Variants in BACH2 observed in about 807,000 individuals in gnomAD.
BACH2 encodes BACH transcriptional regulator 2.
Under a neutral mutation model 61.8 loss-of-function variants are expected in BACH2, and 5 were observed. That is an observed-to-expected ratio of 0.08 (90% CI 0.04 to 0.17). The LOEUF (loss-of-function observed/expected upper bound fraction) is 0.17. Among genes scored for constraint, BACH2 ranks in the 10% least tolerant of loss-of-function variants. BACH2 has a pLI of 1.00. For synonymous variants in BACH2, 446 were observed against 440.1 expected (o/e 1.01, Z -0.17); for missense variants, 824 against 1,091.1 (o/e 0.76, Z 3.45).
At position 89,938,501 on chromosome 6, in the gene BACH2, A is replaced by G. The variant is rs1022824854; in HGVS notation, c.1837-151T>C. 9.2e-6 allele frequency: 6 copies of G among 649,776 alleles called. No individual in the cohort carries two copies. In the Admixed American group the frequency reaches 1.7e-4, roughly 19 times the overall value. 40.3% of individuals were successfully genotyped at this position (649,776 alleles called of 1,614,324 possible). ...CAGTGATTACTTATTTCCTGTTTAA[A>G]GACAGATAAGATGTAATAATACCTG... On this transcript the variant is annotated intron_variant, in intron 7 of 8. Transcript: ENST00000257749.
intron 6 of BACH2, among the ~76,000 whole-genome samples, chr6:89,967,280 A>G (rs1775096869): frequency 6.6e-6 from 1 of 152,232 alleles, no homozygotes. Context: ...CTAGAAATAA[A>G]GATATCCAAA....
At chr6:90,133,783 C>T (rs1272169184) in intron 4 of BACH2, among the ~76,000 whole-genome samples, 3 of 152,072 alleles carry the variant, frequency 2.0e-5, no homozygotes, top group Non-Finnish European at 2.9e-5. Context: ...TGAGTGAGAA[C>T]ATGCGGTGTT....
rs545359900 is a variant in BACH2, at chr6:90,107,863, G to C, written c.-161-18754C>G. Among the ~76,000 whole-genome samples, 3 of 152,114 alleles carry C rather than the reference G, an allele frequency of 2.0e-5. No homozygotes were observed. In the East Asian group the frequency reaches 5.8e-4, roughly 29 times the overall value. ...TTCTTTTTATCATGGAACTGTACAA[G>C]GCTTACAAAGCAGTGGGCAGTCAGG... is the stretch of plus-strand genomic sequence containing the variant. On this transcript the variant is annotated intron_variant, in intron 4 of 8. Transcript: ENST00000257749.
intron 1 of BACH2, among the ~76,000 whole-genome samples, chr6:90,282,654 G>A (rs976554973): frequency 6.6e-6 from 1 of 151,808 alleles, no homozygotes; most frequent in Non-Finnish European, 1.5e-5. Flanking sequence ...ATTCCTTTGG[G>A]TATATGCACA....
At chr6:90,148,949 C>G (rs1435397595) in intron 4 of BACH2, among the ~76,000 whole-genome samples, 1 of 152,150 alleles carries the variant, frequency 6.6e-6, no homozygotes, top group African/African-American at 2.4e-5. Flanking sequence ...TGAGCTGCTT[C>G]TCTCATTTGA....
intron 2 of BACH2, among the ~76,000 whole-genome samples, chr6:90,271,062 T>C (rs907948596): frequency 5.3e-5 from 8 of 152,130 alleles, no homozygotes; most frequent in African/African-American, 1.9e-4. Context: ...TCTCACTTTA[T>C]ACAAAAATCA....
In BACH2 at chr6:90,057,189, T is replaced by C. The variant is rs146546268; in HGVS notation, c.-13+31772A>G. On this transcript the variant is annotated intron_variant, in intron 5 of 8. Transcript: ENST00000257749. ...AAAAATGAATGAATCCAGGAGCTGG[T>C]TTTTTGAAAAGATCAACAACATTGA... Among the ~76,000 whole-genome samples the C allele has an allele frequency of 5.1e-3, 780 of 151,856 alleles. 3 individuals are homozygous for C. The highest frequency in any genetic ancestry group is 0.031 in the Middle Eastern group (9 of 294).
In BACH2 at chr6:89,932,524, A is replaced by G; in HGVS notation, c.2410T>C (p.Phe804Leu). Residue 804 changes from phenylalanine to leucine, a missense_variant, in exon 9 of 9, where the codon TTC (phenylalanine) becomes CTC (leucine). By Grantham distance (22) the Phe-to-Leu change is conservative (BLOSUM62 0). Transcript: ENST00000257749. ...RRLEGTDPGT[F>L]SERGPPLEPR... Reference sequence around the variant, plus strand: ...TCAAGAGGAGGTCCTCTCTCTGAGAAGGTTCCCGGGTCAGTGCCTTCTAGT... The same window carrying G: ...TCAAGAGGAGGTCCTCTCTCTGAGAGGGTTCCCGGGTCAGTGCCTTCTAGT... 1 of 1,614,008 alleles carries G rather than the reference A, an allele frequency of 6.2e-7. No individual in the cohort carries two copies. The highest frequency in any genetic ancestry group is 8.5e-7 in the Non-Finnish European group (1 of 1,180,012).
chr6:90,084,634 C>A (rs1282883148), intron 5 of BACH2, among the ~76,000 whole-genome samples: 2 of 151,182 alleles, frequency 1.3e-5, no homozygotes, highest in African/African-American at 4.9e-5. Context: ...AAGTGAAAAT[C>A]ATGAAGAGTT....
intron 5 of BACH2, among the ~76,000 whole-genome samples, chr6:90,045,255 C>T (rs761335468): frequency 6.6e-6 from 1 of 152,142 alleles, no homozygotes. Context: ...CAAAGCAGAC[C>T]GCATGACTCT....
At chr6:90,223,928 C>A (rs966192161) in intron 3 of BACH2, among the ~76,000 whole-genome samples, 4 of 152,160 alleles carry the variant, frequency 2.6e-5, no homozygotes, top group Non-Finnish European at 4.4e-5. Flanking sequence ...ACAAATCTCT[C>A]GCTATTTGCT....
intron 4 of BACH2, among the ~76,000 whole-genome samples, chr6:90,158,212 T>A (rs1302755745): frequency 6.6e-6 from 1 of 152,150 alleles, no homozygotes; most frequent in Non-Finnish European, 1.5e-5. Flanking sequence ...AGCCAGTCCA[T>A]ATGAGTTGTA....
intron 5 of BACH2, among the ~76,000 whole-genome samples, chr6:90,074,699 T>C (rs894750813): frequency 2.6e-5 from 4 of 152,144 alleles, no homozygotes; most frequent in African/African-American, 9.7e-5. Flanking sequence ...TCAGTAGCCT[T>C]TGGGGAGAAC....
At chr6:90,112,554 G>A (rs1014399485) in intron 4 of BACH2, among the ~76,000 whole-genome samples, 1 of 152,196 alleles carries the variant, frequency 6.6e-6, no homozygotes, top group African/African-American at 2.4e-5. Context: ...AACAAAGGTT[G>A]AGGAACTTCA....
chr6:90,021,423 GA>G (rs1778371048), intron 5 of BACH2, among the ~76,000 whole-genome samples: 2 of 151,504 alleles, frequency 1.3e-5, no homozygotes, highest in African/African-American at 4.8e-5. Context: ...CAGATGAAAA[GA>G]AATGAATATG....
chr6:90,108,040 G>A (rs916783978), intron 4 of BACH2, among the ~76,000 whole-genome samples: 2 of 152,128 alleles, frequency 1.3e-5, no homozygotes, highest in Admixed American at 1.3e-4. Context: ...TAAGACAAGA[G>A]GATGTTAAAT....
At chr6:89,968,060 T>C (rs1011258244) in intron 6 of BACH2, among the ~76,000 whole-genome samples, 3 of 152,242 alleles carry the variant, frequency 2.0e-5, no homozygotes, top group African/African-American at 7.2e-5. Context: ...TTACTAGCAT[T>C]TGCCCAAGCC....
intron 1 of BACH2, among the ~76,000 whole-genome samples, chr6:90,285,758 G>A (rs1772001070): frequency 6.6e-6 from 1 of 152,140 alleles, no homozygotes; most frequent in Non-Finnish European, 1.5e-5. Context: ...CTCCAAGGGC[G>A]GTGCTGGTAC....
At chr6:90,182,605 T>C (rs1167362441) in intron 4 of BACH2, among the ~76,000 whole-genome samples, 1 of 152,212 alleles carries the variant, frequency 6.6e-6, no homozygotes, top group Non-Finnish European at 1.5e-5. Flanking sequence ...GCTTGGCACA[T>C]TATAGCCTTC....
Sources: allele counts gnomAD v4.1 joint callset (sites outside exome capture counted in the v4.1 genomes callset), GRCh38; gene constraint gnomAD v4.1.1; transcripts MANE v1.5; gene names NCBI Gene and HGNC (gene_info 2026-07-23, HGNC 2026-07-21).